ZSCAN25: variants seen among roughly 807,000 people sequenced by gnomAD.
The protein encoded by ZSCAN25 is zinc finger and SCAN domain-containing protein 25.
In ZSCAN25, 27 loss-of-function variants were observed where a neutral mutation model predicts 38.7. That is an observed-to-expected ratio of 0.70 (90% CI 0.51 to 0.96). The LOEUF is 0.96. Among genes scored for constraint, ZSCAN25 ranks in the 40% least tolerant of loss-of-function variants. ZSCAN25 has a pLI of 0.00. For synonymous variants in ZSCAN25, 273 were observed against 277.7 expected (o/e 0.98, Z 0.17); for missense variants, 637 against 705.9 (o/e 0.90, Z 1.11).
chr7:99,737,556 C>A, the ZSCAN25 span, among the ~76,000 whole-genome samples: 3 of 152,102 alleles, frequency 2.0e-5, no homozygotes, highest in African/African-American at 7.2e-5. Context: ...ATTCCAGTGT[C>A]ATCTGATAAC....
At chr7:99,646,797 TACACACACACAC>T in the ZSCAN25 span, among the ~76,000 whole-genome samples, 72 of 142,170 alleles carry the variant, frequency 5.1e-4, no homozygotes, top group East Asian at 3.1e-3. Context: ...ATATGTTTTA[TACACACACACAC>T]ACACACACAC....
At chr7:99,675,735 C>G in the ZSCAN25 span, among the ~76,000 whole-genome samples, 1 of 131,702 alleles carries the variant, frequency 7.6e-6, no homozygotes, top group African/African-American at 3.0e-5. Context: ...GTTCTGTTGA[C>G]CAAGCTGGAG....
the ZSCAN25 span, chr7:99,705,529 A>G: frequency 2.5e-6 from 4 of 1,613,510 alleles, no homozygotes; most frequent in South Asian, 4.4e-5. Flanking sequence ...TCATCCCTTG[A>G]CTCAGCCTTT....
At chr7:99,681,444 C>G in the ZSCAN25 span, among the ~76,000 whole-genome samples, 1 of 152,138 alleles carries the variant, frequency 6.6e-6, no homozygotes, top group Admixed American at 6.6e-5. Flanking sequence ...CAAGGGTTCC[C>G]TTTTCTCCAC....
the ZSCAN25 span, among the ~76,000 whole-genome samples, chr7:99,643,446 AT>A: frequency 8.1e-5 from 12 of 148,872 alleles, no homozygotes; most frequent in Non-Finnish European, 1.2e-4. Context: ...TTTCATGTTC[AT>A]TTTTTTTTCC....
rs1807887415 is a variant in ZSCAN25 at position 99,630,227 on chromosome 7, T to C, written c.*207T>C. On this transcript the variant is annotated 3_prime_UTR_variant, in exon 8 of 8. Transcript: ENST00000394152. ...CCCAAGTGGTGCTAAACAATTTTTC[T>C]TCCAATGTTTGAGGGAAGCAGTCTC... 7 of 1,349,094 alleles carry C rather than the reference T, an allele frequency of 5.2e-6. No individual in the cohort carries two copies. The East Asian group carries it at 1.9e-4, about 37-fold the overall frequency. The allele number at this position is 1,349,094 out of a possible 1,614,324, so 83.6% of individuals were successfully genotyped here. A position where few individuals can be genotyped will look rare whatever the true frequency, so the allele number is the denominator to read the frequency against.
the ZSCAN25 span, chr7:99,652,740 G>A: frequency 6.2e-7 from 1 of 1,614,024 alleles, no homozygotes; most frequent in Non-Finnish European, 8.5e-7. Context: ...ACCATGTCAA[G>A]GTACTCCATC....
chr7:99,652,716 G>A, the ZSCAN25 span: 1 of 1,614,116 alleles, frequency 6.2e-7, no homozygotes, highest in Non-Finnish European at 8.5e-7. Context: ...AATAATCTGA[G>A]TGTTTCATTC....
downstream of ZSCAN25, among the ~76,000 whole-genome samples, chr7:99,635,640 C>G (rs1018193116): frequency 1.3e-5 from 2 of 152,152 alleles, no homozygotes; most frequent in African/African-American, 4.8e-5. Flanking sequence ...CTGCAACATT[C>G]AATAATAGCA....
the ZSCAN25 span, chr7:99,722,483 C>T: frequency 2.7e-6 from 3 of 1,099,720 alleles, no homozygotes; most frequent in East Asian, 2.6e-5. Context: ...TTAGAGATGT[C>T]ATAAGAGAAA....
the ZSCAN25 span, chr7:99,714,827 C>A: frequency 7.1e-7 from 1 of 1,414,916 alleles, no homozygotes; most frequent in Non-Finnish European, 9.4e-7. Flanking sequence ...TGACTTTTGC[C>A]CCTCTTCCAG....
At chr7:99,717,424 C>A in the ZSCAN25 span, 1 of 1,582,076 alleles carries the variant, frequency 6.3e-7, no homozygotes. Flanking sequence ...AGCTCAAATT[C>A]AGCAGACTAC....
At chr7:99,626,608 T>C (rs1488009117) in intron 7 of ZSCAN25, among the ~76,000 whole-genome samples, 1 of 152,088 alleles carries the variant, frequency 6.6e-6, no homozygotes. Flanking sequence ...CTGGAAAAAT[T>C]ATGTTACTAC....
the ZSCAN25 span, among the ~76,000 whole-genome samples, chr7:99,643,903 G>A: frequency 6.6e-6 from 1 of 151,722 alleles, no homozygotes; most frequent in Non-Finnish European, 1.5e-5. Context: ...AGGCAAAAAG[G>A]AAGGAAGCTT....
the ZSCAN25 span, among the ~76,000 whole-genome samples, chr7:99,718,063 A>T: frequency 2.4e-4 from 36 of 152,292 alleles, no homozygotes; most frequent in South Asian, 6.4e-3. Context: ...GATTTAAAAA[A>T]ATATACAATG....
chr7:99,665,257 G>A, the ZSCAN25 span: 14 of 1,614,116 alleles, frequency 8.7e-6, no homozygotes, highest in East Asian at 1.1e-4. Flanking sequence ...TGAGAGAGTC[G>A]ATGTTCACTC....
the ZSCAN25 span, among the ~76,000 whole-genome samples, chr7:99,701,024 G>A: frequency 1.3e-5 from 2 of 152,182 alleles, no homozygotes; most frequent in Admixed American, 1.3e-4. Context: ...AAGATACTAT[G>A]TATCAGAAGA....
At chr7:99,700,991 G>A in the ZSCAN25 span, among the ~76,000 whole-genome samples, 2 of 152,208 alleles carry the variant, frequency 1.3e-5, no homozygotes, top group Non-Finnish European at 2.9e-5. Flanking sequence ...TACCTGTTGA[G>A]AGTTGTACTG....
chr7:99,700,617 A>G, the ZSCAN25 span, among the ~76,000 whole-genome samples: 13 of 152,064 alleles, frequency 8.5e-5, no homozygotes, highest in East Asian at 2.3e-3. Flanking sequence ...ACACAGTCCT[A>G]TTGTCCTATT....
Sources: allele counts gnomAD v4.1 joint callset (sites outside exome capture counted in the v4.1 genomes callset), GRCh38; gene constraint gnomAD v4.1.1; transcripts MANE v1.5; gene names NCBI Gene and HGNC (gene_info 2026-07-23, HGNC 2026-07-21).